DNASE2B: variants seen among roughly 807,000 people sequenced by gnomAD.
The protein encoded by DNASE2B is deoxyribonuclease 2 beta.
A neutral mutation model predicts 46.0 loss-of-function variants in DNASE2B; 43 were observed. The observed-to-expected ratio is 0.94, with a 90% CI of 0.73 to 1.21. DNASE2B has a LOEUF of 1.21. DNASE2B is among the 50% of genes most tolerant of loss of function. DNASE2B has a pLI of 0.00. For missense variants in DNASE2B, 395 were observed against 414.4 expected (o/e 0.95, Z 0.41); for synonymous variants, 156 against 152.5 (o/e 1.02, Z -0.17).
At chr1:84,404,189 T>C (rs886077750) in intron 2 of DNASE2B, among the ~76,000 whole-genome samples, 4 of 152,170 alleles carry the variant, frequency 2.6e-5, no homozygotes, top group Non-Finnish European at 4.4e-5. Flanking sequence ...TTGCTCATCA[T>C]CTGGCTCTGG....
chr1:84,406,779 T>C (rs1680499074), intron 2 of DNASE2B, among the ~76,000 whole-genome samples: 1 of 152,176 alleles, frequency 6.6e-6, no homozygotes. Flanking sequence ...CCCCCTGACC[T>C]GGAATTGAAC....
At chr1:84,408,592 C>T in intron 3 of DNASE2B, 74 bp downstream of exon 3, 6 of 1,327,768 alleles carry the variant, frequency 4.5e-6, no homozygotes, top group Non-Finnish European at 6.2e-6. Flanking sequence ...CTTGAGTATC[C>T]TTATATTCCA....
chr1:84,414,331 A>G (rs1463900319), intron 5 of DNASE2B, among the ~76,000 whole-genome samples, 197 bp from the exon 6 acceptor site: 3 of 152,230 alleles, frequency 2.0e-5, no homozygotes, highest in Non-Finnish European at 4.4e-5. Flanking sequence ...AGTAATGATG[A>G]TAATAACTTA....
chr1:84,412,227 G>T, intron 4 of DNASE2B, 122 bp from the exon 5 acceptor site: 1 of 929,486 alleles, frequency 1.1e-6, no homozygotes, highest in Non-Finnish European at 1.5e-6. Context: ...TTGGTTTAAA[G>T]AAAGAAATGC....
rs776943991 is a variant in DNASE2B at position 84,412,366 on chromosome 1, T to C, written c.565T>C (p.Cys189Arg). The C allele has an allele frequency of 1.3e-6, 2 of 1,557,974 alleles. No individual in the cohort carries two copies. The highest frequency in any genetic ancestry group is 2.4e-5 in the South Asian group (2 of 82,070). Residue 189 changes from cysteine to arginine, a missense_variant, in exon 5 of 6, where the codon TGC becomes CGC. Cys to Arg is a radical substitution (Grantham distance 180, BLOSUM62 -3). Coordinates refer to ENST00000370665, the MANE Select transcript of DNASE2B (RefSeq NM_021233.3). ...TGATTCAGATTCTCAGCTCTTGGTC[T>C]GCAACCCCAACGTCTATAGCTGCTC... is the stretch of plus-strand genomic sequence containing the variant. ...YEAIDSQLLV[C>R]NPNVYSCSIP...
intron 2 of DNASE2B, among the ~76,000 whole-genome samples, chr1:84,407,723 G>A (rs1351342516): frequency 6.6e-6 from 1 of 151,690 alleles, no homozygotes; most frequent in Non-Finnish European, 1.5e-5. Flanking sequence ...AGATACTATC[G>A]AAATAATAGC....
At chr1:84,406,813 G>A (rs1012473537) in intron 2 of DNASE2B, among the ~76,000 whole-genome samples, 16 of 152,210 alleles carry the variant, frequency 1.1e-4, no homozygotes, top group Non-Finnish European at 1.8e-4. Flanking sequence ...TGAAATGCAA[G>A]ATTAGACCAA....
chr1:84,406,213 G>C (rs1176482973), intron 2 of DNASE2B, among the ~76,000 whole-genome samples: 1 of 152,074 alleles, frequency 6.6e-6, no homozygotes, highest in Non-Finnish European at 1.5e-5. Context: ...AGCTGCTTCT[G>C]CTTTCCAGGT....
At chr1:84,411,375 G>A (rs1416491256) in intron 4 of DNASE2B, among the ~76,000 whole-genome samples, 5 of 151,164 alleles carry the variant, frequency 3.3e-5, no homozygotes, top group African/African-American at 4.9e-5. Context: ...AGGAATACAA[G>A]CCTAATGATT....
At chr1:84,402,253 G>C (rs1394988984) in intron 2 of DNASE2B, among the ~76,000 whole-genome samples, 175 bp downstream of exon 2, 1 of 152,200 alleles carries the variant, frequency 6.6e-6, no homozygotes, top group African/African-American at 2.4e-5. Context: ...TAAGACCTGA[G>C]GAAACATGTC....
intron 2 of DNASE2B, among the ~76,000 whole-genome samples, chr1:84,406,620 A>G (rs1680495694): frequency 1.3e-5 from 2 of 152,332 alleles, no homozygotes; most frequent in Middle Eastern, 3.4e-3. Context: ...TGGGGGGAAA[A>G]TGACAGGAAA....
chr1:84,412,425 C>T lies in DNASE2B; in HGVS notation c.624C>T (p.His208=), dbSNP rs1344609524. ...CCACCTTTCACCAGGAGCTCATTCACATGCCCCAGCTGTGCACCAGGGCCA... is the reference window on the plus strand; with the variant it reads ...CCACCTTTCACCAGGAGCTCATTCATATGCCCCAGCTGTGCACCAGGGCCA... ...IPATFHQELI[H]MPQLCTRASS... Residue 208 remains histidine (H), a synonymous_variant, in exon 5 of 6, where the codon CAC becomes CAT. Coordinates refer to ENST00000370665, the MANE Select transcript of DNASE2B (RefSeq NM_021233.3). The T allele has an allele frequency of 2.5e-6, 4 of 1,613,482 alleles. No homozygotes were observed. Among genetic ancestry groups the T allele is most frequent in the East Asian group, 4.5e-5 (2 of 44,854 alleles).
At position 84,398,494 on chromosome 1, in the gene DNASE2B, C is replaced by T. The variant is rs1037480335; in HGVS notation, c.-71C>T. ...ATCAAATCAAACGTCAGAGCCAGCA[C>T]AGCCTGAGAGCGCCTTGAAACTCAG... On this transcript the variant is annotated 5_prime_UTR_variant, in exon 1 of 6. Coordinates refer to ENST00000370665, the MANE Select transcript of DNASE2B (RefSeq NM_021233.3). 4.7e-5 allele frequency: 74 copies of T among 1,586,740 alleles called. 1 individual carries two copies. In the South Asian group the frequency reaches 8.5e-4, roughly 18 times the overall value.
chr1:84,401,803 A>C (rs1478965187), intron 1 of DNASE2B, 98 bp from the exon 2 acceptor site: 8 of 966,782 alleles, frequency 8.3e-6, no homozygotes, highest in Non-Finnish European at 1.2e-5. Flanking sequence ...GCCTTCCATG[A>C]AACAGAAATG....
chr1:84,402,356 G>A (rs1680435496), intron 2 of DNASE2B, among the ~76,000 whole-genome samples: 1 of 152,196 alleles, frequency 6.6e-6, no homozygotes, highest in South Asian at 2.1e-4. Flanking sequence ...GAAGTCTTCT[G>A]GCTGCCAAAA....
At chr1:84,402,898 A>C (rs567328068) in intron 2 of DNASE2B, among the ~76,000 whole-genome samples, 1 of 152,344 alleles carries the variant, frequency 6.6e-6, no homozygotes, top group African/African-American at 2.4e-5. Flanking sequence ...CTGGGCCTTT[A>C]CATATGTCAA....
Position 84,398,738 on chromosome 1 carries a change from A to G in DNASE2B, c.125+49A>G, listed in dbSNP as rs1680350093. Reference sequence around the variant, plus strand: ...TGCTGCATGCAAACAGCCTCGGTACAGAGTTGGCCTGGCTCACTGCGAAGT... The same window carrying G: ...TGCTGCATGCAAACAGCCTCGGTACGGAGTTGGCCTGGCTCACTGCGAAGT... On this transcript the variant is annotated intron_variant, in intron 1 of 5. Transcript: ENST00000370665. 7 of 1,599,640 alleles carry G rather than the reference A, an allele frequency of 4.4e-6. No individual in the cohort carries two copies. The South Asian group carries it at 7.8e-5, about 18-fold the overall frequency.
chr1:84,401,472 C>G (rs1171135079), intron 1 of DNASE2B, among the ~76,000 whole-genome samples: 1 of 152,184 alleles, frequency 6.6e-6, no homozygotes, highest in Non-Finnish European at 1.5e-5. Context: ...TTCGGATAAA[C>G]TGAGCTGAGG....
At chr1:84,412,654 A>C in intron 5 of DNASE2B, 108 bp downstream of exon 5, 2 of 1,134,524 alleles carry the variant, frequency 1.8e-6, no homozygotes, top group Non-Finnish European at 2.4e-6. Flanking sequence ...AGATGAAAAA[A>C]GGGAGCAAAA....
Sources: gnomAD v4.1 joint callset for allele counts (sites outside exome capture counted in the v4.1 genomes callset) on GRCh38, gnomAD v4.1.1 for gene constraint, MANE v1.5 for transcripts, NCBI Gene and HGNC (gene_info 2026-07-23, HGNC 2026-07-21) for gene names.